Variants in SYT6 observed in about 807,000 individuals in gnomAD.
The protein encoded by SYT6 is synaptotagmin 6, also known as synaptotagmin-6.
Under a neutral mutation model 38.4 loss-of-function variants are expected in SYT6, and 24 were observed. The ratio of observed to expected loss-of-function variants is 0.62; its 90% CI spans 0.45 to 0.88. The LOEUF (loss-of-function observed/expected upper bound fraction) is 0.88, where lower values mean the gene tolerates loss of function less well. Ranked by LOEUF, SYT6 falls within the 40% of genes least tolerant of loss-of-function variation. SYT6 has a pLI of 0.00. For synonymous variants in SYT6, 265 were observed against 241.9 expected (o/e 1.10, Z -0.89); for missense variants, 611 against 621.0 (o/e 0.98, Z 0.17).
intron 1 of SYT6, among the ~76,000 whole-genome samples, chr1:114,147,368 C>A (rs987934645): frequency 2.6e-5 from 4 of 152,224 alleles, no homozygotes; most frequent in Admixed American, 6.5e-5. Flanking sequence ...TGAAAAATTT[C>A]TTGAAATTTG....
At chr1:114,116,489 G>A (rs187037088) in intron 3 of SYT6, among the ~76,000 whole-genome samples, 97 of 152,296 alleles carry the variant, frequency 6.4e-4, no homozygotes, top group African/African-American at 2.3e-3. Flanking sequence ...CTCCTGTAAA[G>A]GTGTAGTTAT....
chr1:114,119,337 A>G (rs1462245435), intron 3 of SYT6, among the ~76,000 whole-genome samples: 3 of 152,222 alleles, frequency 2.0e-5, no homozygotes, highest in Non-Finnish European at 4.4e-5. Flanking sequence ...ATGCAAGGCC[A>G]GGGTTCAGGG....
chr1:114,142,682 C>A (rs1244640262), intron 1 of SYT6, among the ~76,000 whole-genome samples: 1 of 152,152 alleles, frequency 6.6e-6, no homozygotes, highest in East Asian at 1.9e-4. Flanking sequence ...ACGCAGCAAA[C>A]TCACCGTTGT....
At chr1:114,120,135 A>G (rs568258143) in intron 3 of SYT6, among the ~76,000 whole-genome samples, 143 of 152,234 alleles carry the variant, frequency 9.4e-4, no homozygotes, top group Non-Finnish European at 1.5e-3. Flanking sequence ...TTTGTGAGCT[A>G]GGTTTTATAA....
At chr1:114,100,595 TG>T (rs567678414) in intron 4 of SYT6, among the ~76,000 whole-genome samples, 86 of 152,346 alleles carry the variant, frequency 5.6e-4, no homozygotes, top group African/African-American at 2.1e-3. Flanking sequence ...GAGATGAGGT[TG>T]GGTTTATGGA....
chr1:114,112,556 C>G (rs1676749146), intron 3 of SYT6, among the ~76,000 whole-genome samples: 1 of 152,160 alleles, frequency 6.6e-6, no homozygotes, highest in African/African-American at 2.4e-5. Flanking sequence ...AGAAGAGGGG[C>G]TGAGAGAGTG....
At chr1:114,126,969 C>T (rs549228805) in intron 3 of SYT6, among the ~76,000 whole-genome samples, 1 of 152,312 alleles carries the variant, frequency 6.6e-6, no homozygotes, top group South Asian at 2.1e-4. Flanking sequence ...CCTCTGGCAG[C>T]TTTGTAAGGC....
chr1:114,093,793 C>T lies in SYT6; in HGVS notation c.1526G>A (p.Arg509Gln), dbSNP rs200158005. ...GCATCCACGTGAATGAAATCACAAC[C>T]GAGGGTTTCCCTGGTGAAATATTTT... is the stretch of plus-strand genomic sequence containing the variant. ...VKKSFKEGNP[R>Q]L The change falls in exon 7 of 8, where the codon CGG (arginine) becomes CAG (glutamine). Residue 509 changes from arginine to glutamine, a missense_variant. Physicochemically the swap from Arg to Gln is conservative, Grantham distance 43. Coordinates refer to ENST00000610222, the MANE Select transcript of SYT6 (RefSeq NM_001253772.2). 2.8e-5 allele frequency: 45 copies of T among 1,613,924 alleles called. 1 individual carries two copies. Among genetic ancestry groups the T allele is most frequent in the South Asian group, 2.5e-4 (23 of 91,072 alleles).
Position 114,125,937 on chromosome 1 carries a change from C to G in SYT6, c.1071+11558G>C, listed in dbSNP as rs577929319. Among the ~76,000 whole-genome samples the G allele has an allele frequency of 1.6e-4, 24 of 152,170 alleles. No homozygotes were observed. In the South Asian group the frequency reaches 5.0e-3, roughly 32 times the overall value. On this transcript the variant is annotated intron_variant, in intron 3 of 7. Transcript: ENST00000610222. Reference sequence around the variant, plus strand: ...GAGGGGAGGGGGTCTTTGCTCTGTGCCCTTTGACATTTAATGCCTTTAACT... The same window carrying G: ...GAGGGGAGGGGGTCTTTGCTCTGTGGCCTTTGACATTTAATGCCTTTAACT...
At chr1:114,132,206 G>T (rs1009125650) in intron 3 of SYT6, among the ~76,000 whole-genome samples, 13 of 152,226 alleles carry the variant, frequency 8.5e-5, no homozygotes, top group Admixed American at 7.8e-4. Flanking sequence ...CCCAGTAAAT[G>T]GGGATCAGAA....
At chr1:114,127,822 G>A (rs1343948786) in intron 3 of SYT6, among the ~76,000 whole-genome samples, 1 of 152,256 alleles carries the variant, frequency 6.6e-6, no homozygotes, top group Non-Finnish European at 1.5e-5. Context: ...TGGCCCAAGG[G>A]AGGGGGTGCC....
At chr1:114,140,187 T>A (rs1028563143) in intron 1 of SYT6, among the ~76,000 whole-genome samples, 4 of 152,096 alleles carry the variant, frequency 2.6e-5, no homozygotes, top group African/African-American at 9.7e-5. Flanking sequence ...TCAATCTGAT[T>A]CTTCCAGCAT....
chr1:114,112,034 T>C (rs1676716500), intron 3 of SYT6, among the ~76,000 whole-genome samples: 1 of 152,204 alleles, frequency 6.6e-6, no homozygotes, highest in Non-Finnish European at 1.5e-5. Flanking sequence ...CGGGGCTTCC[T>C]GCTGGGTGCT....
chr1:114,103,187 A>G (rs1676070259), intron 4 of SYT6, among the ~76,000 whole-genome samples: 1 of 149,780 alleles, frequency 6.7e-6, no homozygotes, highest in South Asian at 2.1e-4. Context: ...TTACACACTC[A>G]AACGACATAA....
At chr1:114,146,087 T>C (rs1283201272) in intron 1 of SYT6, among the ~76,000 whole-genome samples, 2 of 152,096 alleles carry the variant, frequency 1.3e-5, no homozygotes. Context: ...TGAAGAATCT[T>C]ATTGCAGGAC....
chr1:114,093,908 C>T lies in SYT6; in HGVS notation c.1516-105G>A, dbSNP rs1675473029. ...AGGTGACAACACATGATTACTAATG[C>T]TCTTATTTAACAGACCTTCATTTTA... On this transcript the variant is annotated intron_variant, in intron 6 of 7. Coordinates refer to ENST00000610222, the MANE Select transcript of SYT6 (RefSeq NM_001253772.2). 5.6e-6 allele frequency: 6 copies of T among 1,063,056 alleles called. No homozygotes were observed. In the East Asian group the frequency reaches 7.1e-5, roughly 13 times the overall value. 65.9% of individuals were successfully genotyped at this position (1,063,056 alleles called of 1,614,324 possible). A position where few individuals can be genotyped will look rare whatever the true frequency, so the allele number is the denominator to read the frequency against.
intron 3 of SYT6, among the ~76,000 whole-genome samples, chr1:114,125,703 A>T (rs1677684198): frequency 6.6e-6 from 1 of 152,092 alleles, no homozygotes; most frequent in Admixed American, 6.6e-5. Flanking sequence ...GCTGACCTAT[A>T]CTCTACAGCT....
chr1:114,143,908 A>C (rs1037381296), intron 1 of SYT6, among the ~76,000 whole-genome samples: 4 of 151,306 alleles, frequency 2.6e-5, no homozygotes, highest in African/African-American at 9.7e-5. Flanking sequence ...ATTATTAAGC[A>C]GACCTCCCAT....
chr1:114,141,676 G>A (rs1208454375), intron 1 of SYT6, among the ~76,000 whole-genome samples: 1 of 152,214 alleles, frequency 6.6e-6, no homozygotes, highest in Non-Finnish European at 1.5e-5. Flanking sequence ...ATTGGAAGAA[G>A]ATGCCACCTA....
Sources: gnomAD v4.1 joint callset for allele counts (sites outside exome capture counted in the v4.1 genomes callset) on GRCh38, gnomAD v4.1.1 for gene constraint, MANE v1.5 for transcripts, NCBI Gene and HGNC (gene_info 2026-07-23, HGNC 2026-07-21) for gene names.